GALNT9: variants seen among roughly 807,000 people sequenced by gnomAD.
The protein encoded by GALNT9 is polypeptide N-acetylgalactosaminyltransferase 9.
In GALNT9, 47 loss-of-function variants were observed where a neutral mutation model predicts 63.1. The observed-to-expected ratio is 0.75, with a 90% CI of 0.59 to 0.95. The LOEUF (loss-of-function observed/expected upper bound fraction) is 0.95. Ranked by LOEUF, GALNT9 falls within the 40% of genes least tolerant of loss-of-function variation. The pLI is 0.00. For missense variants in GALNT9, 829 were observed against 874.8 expected (o/e 0.95, Z 0.66); for synonymous variants, 396 against 365.7 (o/e 1.08, Z -0.94).
rs1230381028 is a variant in GALNT9 at position 132,286,417 on chromosome 12, G to A, written c.252C>T (p.Pro84=). Reference sequence around the variant, plus strand: ...CTCCTGGCCCCTCCACCAGGCCGATGGGCTTGGCAAGGCCTGGGGGAAAGG... The same window carrying A: ...CTCCTGGCCCCTCCACCAGGCCGATAGGCTTGGCAAGGCCTGGGGGAAAGG... ...VYNQLNGLAK[P]IGLVEGPGGL... Residue 84 remains proline, a synonymous_variant, in exon 2 of 11, where the codon CCC becomes CCT. Transcript: ENST00000328957. The surrounding 1 kb of genome is among the most constrained non-coding windows in gnomAD (Gnocchi z 7.4). 8 of 1,549,942 alleles carry A rather than the reference G, an allele frequency of 5.2e-6. No homozygotes were observed. The African/African-American group carries it at 1.1e-4, about 21-fold the overall frequency.
intron 2 of GALNT9, among the ~76,000 whole-genome samples, chr12:132,281,533 T>G (rs1880342997): frequency 6.6e-6 from 1 of 152,246 alleles, no homozygotes; most frequent in Non-Finnish European, 1.5e-5. Flanking sequence ...GGCAGAGAGC[T>G]GTGTGCCTTC....
chr12:132,284,355 AACAC>A lies in GALNT9; in HGVS notation c.419+1891_419+1894del, dbSNP rs1300658067. The A allele has an allele frequency of 9.8e-5, 15 of 152,394 alleles. No individual in the cohort carries two copies. In the East Asian group the frequency reaches 2.9e-3, roughly 29 times the overall value. The allele number at this position is 152,394 out of a possible 1,614,324, so 9.4% of individuals were successfully genotyped here. A position where few individuals can be genotyped will look rare whatever the true frequency, so the allele number is the denominator to read the frequency against. On this transcript the variant is annotated intron_variant, in intron 2 of 10. Coordinates refer to ENST00000328957, the MANE Select transcript of GALNT9 (RefSeq NM_001122636.2). ...TGCACCCTCAGTGCACAGGCTGGCT[AACAC>A]ACACGAGCCGCTTTCCAAACCGAAG...
chr12:132,329,362 G>A lies in GALNT9; in HGVS notation c.-159C>T, dbSNP rs1466738254. 7.1e-6 allele frequency: 8 copies of A among 1,132,520 alleles called. No homozygotes were observed. The Admixed American group carries it at 2.9e-4, about 41-fold the overall frequency. 70.2% of individuals were successfully genotyped at this position (1,132,520 alleles called of 1,614,324 possible). A position where few individuals can be genotyped will look rare whatever the true frequency, so the allele number is the denominator to read the frequency against. On this transcript the variant is annotated 5_prime_UTR_variant, in exon 1 of 11. Coordinates refer to ENST00000328957, the MANE Select transcript of GALNT9 (RefSeq NM_001122636.2). ...CCCTTCAGCACCAGCTCAGCGCGCCGGGCCACGGCCGCCGGGGGTCCCCCA... is the reference window on the plus strand; with the variant it reads ...CCCTTCAGCACCAGCTCAGCGCGCCAGGCCACGGCCGCCGGGGGTCCCCCA...
chr12:132,328,063 G>A (rs1398696896), intron 1 of GALNT9, among the ~76,000 whole-genome samples: 1 of 152,208 alleles, frequency 6.6e-6, no homozygotes, highest in African/African-American at 2.4e-5. Flanking sequence ...ACACCAGCTA[G>A]TGATGTAGGC....
chr12:132,205,226 T>TCAGCC (rs1555234196), intron 6 of GALNT9: 1 of 152,118 alleles, frequency 6.6e-6, no homozygotes, highest in African/African-American at 2.4e-5. Flanking sequence ...GGGTCGCCTG[T>TCAGCC]CAGCCCAGCC....
In GALNT9 at chr12:132,296,051, T is replaced by TCCAGAACAGGGAGAGC. The variant is rs147491330; in HGVS notation, c.239-9622_239-9621insGCTCTCCCTGTTCTGG. Among the ~76,000 whole-genome samples, 1 of 139,868 alleles carries TCCAGAACAGGGAGAGC rather than the reference T, an allele frequency of 7.1e-6. No homozygotes were observed. The highest frequency in any genetic ancestry group is 7.0e-5 in the Admixed American group (1 of 14,186). The allele number at this position is 139,868 out of a possible 152,430, so 91.8% of individuals were successfully genotyped here. A position where few individuals can be genotyped will look rare whatever the true frequency, so the allele number is the denominator to read the frequency against. On this transcript the variant is annotated intron_variant, in intron 1 of 10. Coordinates refer to ENST00000328957, the MANE Select transcript of GALNT9 (RefSeq NM_001122636.2). This position sits in a 1 kb window ranked among gnomAD's most constrained non-coding sequence, Gnocchi z 4.2. ...GAGAGCCTCCAGAACAGGGAGAGCC[T>TCCAGAACAGGGAGAGC]CTGAACAGGGAGAGGCTCCGGAACA...
At chr12:132,311,205 G>A (rs1255067812) in intron 1 of GALNT9, among the ~76,000 whole-genome samples, 5 of 152,184 alleles carry the variant, frequency 3.3e-5, no homozygotes, top group Non-Finnish European at 7.3e-5. Flanking sequence ...TCCCTAAGAG[G>A]GTGTTCTGAA....
At chr12:132,301,993 G>A (rs1485938567) in intron 1 of GALNT9, among the ~76,000 whole-genome samples, 4 of 152,160 alleles carry the variant, frequency 2.6e-5, no homozygotes, top group African/African-American at 4.8e-5. Flanking sequence ...TGACAACCCC[G>A]AGGGGCTCAC....
intron 3 of GALNT9, among the ~76,000 whole-genome samples, chr12:132,261,673 G>T (rs1211108236): frequency 6.6e-6 from 1 of 152,218 alleles, no homozygotes; most frequent in Non-Finnish European, 1.5e-5. Context: ...GCAGGCCAGA[G>T]CTTGCCCCAC....
intron 1 of GALNT9, among the ~76,000 whole-genome samples, chr12:132,326,223 GT>G (rs1869031100): frequency 6.6e-6 from 1 of 152,222 alleles, no homozygotes; most frequent in Non-Finnish European, 1.5e-5. Flanking sequence ...GAAATTTAGC[GT>G]TTATGAGACT....
rs943388100 is a variant in GALNT9 at position 132,327,034 on chromosome 12, G to C, written c.238+1932C>G. ...CTGTGCCTGGCCTGCTGGTCACAGAGAGGAACGCAGCACAGCCTCATCACA... is the reference window on the plus strand; with the variant it reads ...CTGTGCCTGGCCTGCTGGTCACAGACAGGAACGCAGCACAGCCTCATCACA... On this transcript the variant is annotated intron_variant, in intron 1 of 10. Transcript: ENST00000328957. The surrounding 1 kb of genome is among the most constrained non-coding windows in gnomAD (Gnocchi z 4.3). 6.6e-6 allele frequency among the ~76,000 whole-genome samples: 1 copy of C among 152,188 alleles called. No individual in the cohort carries two copies. The highest frequency in any genetic ancestry group is 1.5e-5 in the Non-Finnish European group (1 of 68,044).
At chr12:132,262,663 G>A (rs1879444945) in intron 2 of GALNT9, 38 bp from the exon 3 acceptor site, 1 of 1,477,512 alleles carries the variant, frequency 6.8e-7, no homozygotes, top group African/African-American at 1.4e-5. Context: ...TCAGGGCGCA[G>A]CATGAGGGAC....
chr12:132,201,016 C>A, intron 8 of GALNT9, 108 bp downstream of exon 8: 1 of 1,119,796 alleles, frequency 8.9e-7, no homozygotes, highest in Admixed American at 2.2e-5. Flanking sequence ...GAGGCGCTAC[C>A]TCTCCGTGTG....
rs936452230 is a variant in GALNT9 at position 132,296,017 on chromosome 12, C to T, written c.239-9587G>A. On this transcript the variant is annotated intron_variant, in intron 1 of 10. Transcript: ENST00000328957. This position sits in a 1 kb window ranked among gnomAD's most constrained non-coding sequence, Gnocchi z 4.2. ...CGGCCTCCGGAACAGGGAGAGCCTC[C>T]GGAACAGGGAGAGCCTCCAGAACAG... Among the ~76,000 whole-genome samples the T allele has an allele frequency of 2.2e-4, 32 of 143,102 alleles. 1 individual carries two copies. In the Middle Eastern group the frequency reaches 0.011, roughly 51 times the overall value. 93.9% of individuals were successfully genotyped at this position (143,102 alleles called of 152,430 possible).
At chr12:132,320,158 G>A (rs542523076) in intron 1 of GALNT9, among the ~76,000 whole-genome samples, 4 of 152,362 alleles carry the variant, frequency 2.6e-5, no homozygotes, top group South Asian at 2.1e-4. Flanking sequence ...TGCCAGGGCC[G>A]GCCGCCAAGC....
At chr12:132,272,989 A>AT (rs1555240887) in intron 2 of GALNT9, 1 of 152,322 alleles carries the variant, frequency 6.6e-6, no homozygotes, top group Non-Finnish European at 1.5e-5. Flanking sequence ...TCCTCCTGAC[A>AT]TTGAGTTCCT....
intron 1 of GALNT9, among the ~76,000 whole-genome samples, chr12:132,324,305 G>C (rs1231664496): frequency 6.6e-6 from 1 of 152,172 alleles, no homozygotes; most frequent in East Asian, 1.9e-4. Flanking sequence ...GCCAGGCATT[G>C]CCCGGGCCGA....
Position 132,316,721 on chromosome 12 carries a change from C to T in GALNT9, c.238+12245G>A, listed in dbSNP as rs1868527336. ...ACAGGGACGCCCACCCCAGCCCACT[C>T]CCTCTGCAGCCACCCAGCCTCCTTC... is the stretch of plus-strand genomic sequence containing the variant. On this transcript the variant is annotated intron_variant, in intron 1 of 10. Coordinates refer to ENST00000328957, the MANE Select transcript of GALNT9 (RefSeq NM_001122636.2). The surrounding 1 kb of genome is among the most constrained non-coding windows in gnomAD (Gnocchi z 4.3). Among the ~76,000 whole-genome samples, 1 of 152,086 alleles carries T rather than the reference C, an allele frequency of 6.6e-6. No homozygotes were observed. Among genetic ancestry groups the T allele is most frequent in the Admixed American group, 6.5e-5 (1 of 15,274 alleles).
At chr12:132,240,936 C>A (rs1272613284) in intron 6 of GALNT9, among the ~76,000 whole-genome samples, 31 of 139,628 alleles carry the variant, frequency 2.2e-4, no homozygotes, top group Admixed American at 4.9e-4. Context: ...ATTACACACA[C>A]GCCACACCCC....
Sources: gnomAD v4.1 joint callset for allele counts (sites outside exome capture counted in the v4.1 genomes callset) on GRCh38, gnomAD v4.1.1 for gene constraint, Gnocchi (gnomAD v3.1) non-coding constraint, MANE v1.5 for transcripts, NCBI Gene and HGNC (gene_info 2026-07-23, HGNC 2026-07-21) for gene names.